Variants in GMPS observed in about 807,000 individuals in gnomAD.
GMPS encodes guanosine monophosphate synthase.
In GMPS, 15 loss-of-function variants were observed where a neutral mutation model predicts 77.9. The ratio of observed to expected loss-of-function variants is 0.19; its 90% CI spans 0.13 to 0.30. The LOEUF (loss-of-function observed/expected upper bound fraction) is 0.30, where lower values mean the gene tolerates loss of function less well. Among genes scored for constraint, GMPS ranks in the 10% least tolerant of loss-of-function variants. GMPS has a pLI of 1.00. For missense variants in GMPS, 590 were observed against 838.8 expected (o/e 0.70, Z 3.66); for synonymous variants, 224 against 275.9 (o/e 0.81, Z 1.86).
rs201973123 is a variant in GMPS, at chr3:155,929,016, T to C, written c.1561-2749T>C. On this transcript the variant is annotated intron_variant, in intron 12 of 15. Transcript: ENST00000496455. ...AAACATATGTGTGCATGTGTCTTTATAGCAGCATGATTTATAGTCGTTTGG... is the reference window on the plus strand; with the variant it reads ...AAACATATGTGTGCATGTGTCTTTACAGCAGCATGATTTATAGTCGTTTGG... 7.9e-5 allele frequency among the ~76,000 whole-genome samples: 12 copies of C among 151,600 alleles called. No individual in the cohort carries two copies. In the East Asian group the frequency reaches 2.2e-3, roughly 27 times the overall value.
rs751237943 is a variant in GMPS at position 155,870,824 on chromosome 3, C to T, written c.-47C>T. 2 of 1,311,596 alleles carry T rather than the reference C, an allele frequency of 1.5e-6. No homozygotes were observed. The highest frequency in any genetic ancestry group is 2.9e-5 in the East Asian group (1 of 34,280). The allele number at this position is 1,311,596 out of a possible 1,614,324, so 81.2% of individuals were successfully genotyped here. A position where few individuals can be genotyped will look rare whatever the true frequency, so the allele number is the denominator to read the frequency against. On this transcript the variant is annotated 5_prime_UTR_variant, in exon 1 of 16. Coordinates refer to ENST00000496455, the MANE Select transcript of GMPS (RefSeq NM_003875.3). ...CGACCCTTCCGGCACCCTCCCGCCC[C>T]GTCTCGTACTGTCGCCGTCACCGCC...
intron 5 of GMPS, among the ~76,000 whole-genome samples, 174 bp downstream of exon 5, chr3:155,906,437 TAGG>T (rs2108095061): frequency 6.6e-6 from 1 of 152,306 alleles, no homozygotes; most frequent in Admixed American, 6.5e-5. Flanking sequence ...AATTTAATAA[TAGG>T]AGGATTATCC....
chr3:155,917,213 T>C (rs376089516), intron 9 of GMPS, among the ~76,000 whole-genome samples: 13,201 of 152,188 alleles, frequency 0.087, 642 homozygotes, highest in South Asian at 0.11. Context: ...CCTCAGGTGA[T>C]CCGCCTGCCT....
chr3:155,904,754 C>T (rs555037443), intron 4 of GMPS, among the ~76,000 whole-genome samples: 2 of 152,220 alleles, frequency 1.3e-5, no homozygotes, highest in African/African-American at 4.8e-5. Context: ...TTTCATGTGA[C>T]TCATCTTGAG....
chr3:155,894,232 CTT>C (rs1006206517), intron 2 of GMPS, among the ~76,000 whole-genome samples: 4 of 151,502 alleles, frequency 2.6e-5, no homozygotes, highest in East Asian at 1.9e-4. Flanking sequence ...GTCATGCTTT[CTT>C]TTTTTTTGAG....
chr3:155,881,143 G>T (rs1668267871), intron 1 of GMPS, among the ~76,000 whole-genome samples: 1 of 147,168 alleles, frequency 6.8e-6, no homozygotes, highest in Non-Finnish European at 1.5e-5. Context: ...TTAAGAGCCT[G>T]CTATGGATGC....
chr3:155,872,926 G>A (rs1043821765), intron 1 of GMPS, among the ~76,000 whole-genome samples: 2 of 152,120 alleles, frequency 1.3e-5, no homozygotes, highest in South Asian at 2.1e-4. Context: ...AACATTTTAA[G>A]TAAAGAGATA....
intron 1 of GMPS, among the ~76,000 whole-genome samples, chr3:155,885,514 G>T (rs1040596471): frequency 6.6e-6 from 1 of 151,878 alleles, no homozygotes; most frequent in Admixed American, 6.6e-5. Context: ...ATTGCATCAG[G>T]GTATGTCTTG....
intron 3 of GMPS, among the ~76,000 whole-genome samples, chr3:155,900,372 CTTT>C (rs538778720): frequency 1.5e-5 from 2 of 131,068 alleles, no homozygotes; most frequent in African/African-American, 2.8e-5. Flanking sequence ...TGGCTGGCTT[CTTT>C]TTTTTTTTTG....
intron 1 of GMPS, among the ~76,000 whole-genome samples, chr3:155,890,829 G>C (rs1422416111): frequency 6.6e-6 from 1 of 152,076 alleles, no homozygotes; most frequent in Non-Finnish European, 1.5e-5. Context: ...ATTTTCTTCT[G>C]TAACTCCATA....
chr3:155,881,613 G>A (rs574443780), intron 1 of GMPS, among the ~76,000 whole-genome samples: 1 of 152,318 alleles, frequency 6.6e-6, no homozygotes, highest in South Asian at 2.1e-4. Flanking sequence ...ATCACAAAAT[G>A]TAAGTGGCAT....
chr3:155,931,988 G>A lies in GMPS; in HGVS notation c.1676+108G>A. On this transcript the variant is annotated intron_variant, in intron 13 of 15. Transcript: ENST00000496455. ...AAGGCTCAAATGTAGATATAGGTAG[G>A]TCATGTAGATAAGAGTAAATGGCTG... The A allele has an allele frequency of 3.5e-6, 2 of 575,428 alleles. 1 individual carries two copies. Among genetic ancestry groups the A allele is most frequent in the South Asian group, 5.0e-5 (2 of 40,210 alleles). 35.6% of individuals were successfully genotyped at this position (575,428 alleles called of 1,614,324 possible).
chr3:155,931,783 A>G lies in GMPS; in HGVS notation c.1579A>G (p.Ser527Gly). 6.5e-7 allele frequency: 1 copy of G among 1,530,242 alleles called. No individual in the cohort carries two copies. Among genetic ancestry groups the G allele is most frequent in the Non-Finnish European group, 9.1e-7 (1 of 1,104,960 alleles). The allele number at this position is 1,530,242 out of a possible 1,614,324, so 94.8% of individuals were successfully genotyped here. The stretch of plus-strand genomic sequence containing the variant: ...TTTTCAGGGTGACTGTCGTTCCTAC[A>G]GTTACGTGTGTGGAATCTCCAGTAA... The part of the protein sequence containing the change: ...VGVQGDCRSY[S>G]YVCGISSKDE... The change falls in exon 13 of 16, where the codon AGT becomes GGT. Residue 527 changes from serine (S) to glycine (G), a missense_variant. Ser to Gly is a moderately conservative substitution (Grantham distance 56). Around this residue, in one of 6 missense-constraint regions of GMPS, gnomAD observed 89 missense variants for 95.9 expected, o/e 0.93. Transcript: ENST00000496455.
chr3:155,936,596 T>C, intron 15 of GMPS, 86 bp downstream of exon 15: 1 of 762,052 alleles, frequency 1.3e-6, no homozygotes. Context: ...ATGCCAGTGC[T>C]GTATTTCTTA....
chr3:155,903,748 G>C, intron 3 of GMPS, 115 bp from the exon 4 acceptor site: 1 of 507,774 alleles, frequency 2.0e-6, no homozygotes, highest in South Asian at 3.8e-5. Context: ...TTTATTTTGG[G>C]GATACAGGTA....
At position 155,893,601 on chromosome 3, in the gene GMPS, C is replaced by T. The variant is rs758567914; in HGVS notation, c.111C>T (p.Tyr37=). 35 of 1,611,862 alleles carry T rather than the reference C, an allele frequency of 2.2e-5. No individual in the cohort carries two copies. Among genetic ancestry groups the T allele is most frequent in the South Asian group, 2.2e-5 (2 of 91,036 alleles). Residue 37 remains tyrosine, a synonymous_variant, in exon 2 of 16, where the codon TAC becomes TAT. Transcript: ENST00000496455. ...TCATTCTGGATGCTGGTGCTCAGTA[C>T]GGGAAAGTCATAGACCGAAGAGTGA... ...AVVILDAGAQ[Y]GKVIDRRVRE...
At position 155,938,521 on chromosome 3, in the gene GMPS, G is replaced by A. The variant is rs936240893; in HGVS notation, c.*829G>A. 1 of 208,586 alleles carries A rather than the reference G, an allele frequency of 4.8e-6. No individual in the cohort carries two copies. 12.9% of individuals were successfully genotyped at this position (208,586 alleles called of 1,614,324 possible). A position where few individuals can be genotyped will look rare whatever the true frequency, so the allele number is the denominator to read the frequency against. ...GGCTCAATGACGTTTCTGGTGTAGT[G>A]CAGATAGAGGTCAAGAGGAGCATTT... On this transcript the variant is annotated 3_prime_UTR_variant, in exon 16 of 16. Coordinates refer to ENST00000496455, the MANE Select transcript of GMPS (RefSeq NM_003875.3).
In GMPS at chr3:155,881,977, A is replaced by G. The variant is rs560192009; in HGVS notation, c.27+11080A>G. Among the ~76,000 whole-genome samples, 7 of 152,252 alleles carry G rather than the reference A, an allele frequency of 4.6e-5. No homozygotes were observed. In the South Asian group the frequency reaches 1.2e-3, roughly 27 times the overall value. The stretch of plus-strand genomic sequence containing the variant: ...CAGCCACCTGGGAGACTGAGCTGGG[A>G]GGATTGCTTGAGCCTGGGAAGCAGA... On this transcript the variant is annotated intron_variant, in intron 1 of 15. Coordinates refer to ENST00000496455, the MANE Select transcript of GMPS (RefSeq NM_003875.3).
chr3:155,871,590 C>T (rs1753907953), intron 1 of GMPS, among the ~76,000 whole-genome samples: 1 of 152,254 alleles, frequency 6.6e-6, no homozygotes, highest in Admixed American at 6.5e-5. Flanking sequence ...TCCCTCCCCG[C>T]TTCCTTCTCA....
Sources: gnomAD v4.1 joint callset for allele counts (sites outside exome capture counted in the v4.1 genomes callset) on GRCh38, gnomAD v4.1.1 for gene constraint, gnomAD v4.1.1 regional missense constraint, MANE v1.5 for transcripts, NCBI Gene and HGNC (gene_info 2026-07-23, HGNC 2026-07-21) for gene names.